Variants in SLX9 observed in about 807,000 individuals in gnomAD.
SLX9 encodes the protein SLX9 ribosome biogenesis factor.
SLX9 carries 19 observed loss-of-function variants against 20.8 expected under a neutral mutation model. The ratio of observed to expected loss-of-function variants is 0.91; its 90% confidence interval spans 0.64 to 1.34. The LOEUF is 1.34. Ranked by LOEUF, SLX9 falls within the 40% of genes most tolerant of loss-of-function variation. The pLI is 0.00. For synonymous variants in SLX9, 113 were observed against 137.1 expected (o/e 0.82, Z 1.23); for missense variants, 299 against 322.2 (o/e 0.93, Z 0.55).
intron 2 of SLX9, among the ~76,000 whole-genome samples, chr21:44,957,742 G>A (rs1392035079): frequency 1.3e-5 from 2 of 152,222 alleles, no homozygotes; most frequent in Non-Finnish European, 2.9e-5. Flanking sequence ...GTCCTGTCTC[G>A]GTTTTGTGGG....
At chr21:44,962,358 T>C (rs2084961176) in intron 3 of SLX9, among the ~76,000 whole-genome samples, 1 of 152,208 alleles carries the variant, frequency 6.6e-6, no homozygotes, top group South Asian at 2.1e-4. Context: ...TAACAACTGC[T>C]GTGTCACCCT....
intron 4 of SLX9, among the ~76,000 whole-genome samples, chr21:44,971,263 A>AT (rs1458427438): frequency 2.0e-5 from 3 of 152,090 alleles, no homozygotes; most frequent in Non-Finnish European, 4.4e-5. Flanking sequence ...TTAGGCTCCA[A>AT]TTCCTCCTCG....
At chr21:44,955,381 G>GC (rs2084838120) in intron 2 of SLX9, among the ~76,000 whole-genome samples, 1 of 152,206 alleles carries the variant, frequency 6.6e-6, no homozygotes, top group Non-Finnish European at 1.5e-5. Context: ...GGAAAGCTGT[G>GC]CTTTCTCCAG....
chr21:44,946,830 T>A (rs867836783), intron 2 of SLX9, among the ~76,000 whole-genome samples: 56 of 152,320 alleles, frequency 3.7e-4, no homozygotes, highest in Middle Eastern at 6.8e-3. Context: ...AAGGGGACCA[T>A]GGGACCTCAC....
intron 2 of SLX9, 58 bp downstream of exon 2, chr21:44,943,895 T>G (rs2059605155): frequency 6.2e-7 from 1 of 1,607,950 alleles, no homozygotes; most frequent in East Asian, 2.2e-5. Context: ...GATTGTTCCC[T>G]CAGGCACCCG....
chr21:44,953,419 C>A (rs2084794954), intron 2 of SLX9, among the ~76,000 whole-genome samples: 1 of 152,186 alleles, frequency 6.6e-6, no homozygotes, highest in Non-Finnish European at 1.5e-5. Flanking sequence ...AGGTGAGCAG[C>A]ACAGCCACTC....
chr21:44,959,729 G>A (rs971569522), intron 2 of SLX9, among the ~76,000 whole-genome samples: 4 of 152,244 alleles, frequency 2.6e-5, no homozygotes, highest in East Asian at 1.9e-4. Context: ...TGTCCTGTTC[G>A]TGGCCCCCTT....
intron 2 of SLX9, among the ~76,000 whole-genome samples, chr21:44,949,377 G>A (rs116681303): frequency 0.018 from 2,789 of 152,150 alleles, 76 homozygotes; most frequent in African/African-American, 0.064. Context: ...GGATCCTAGG[G>A]ATGCAGCCCA....
intron 2 of SLX9, among the ~76,000 whole-genome samples, chr21:44,947,354 C>G (rs1361429380): frequency 6.6e-6 from 1 of 152,238 alleles, no homozygotes; most frequent in Non-Finnish European, 1.5e-5. Flanking sequence ...CGTGCCCTGC[C>G]TGAGTCAGGA....
chr21:44,960,683 C>T (rs1339836291), intron 3 of SLX9, among the ~76,000 whole-genome samples: 2 of 152,226 alleles, frequency 1.3e-5, no homozygotes, highest in African/African-American at 4.8e-5. Flanking sequence ...CCCCTGGTGT[C>T]CCCAGACCCT....
chr21:44,973,250 A>C lies in SLX9; in HGVS notation c.554A>C (p.Gln185Pro). Residue 185 changes from glutamine to proline, a missense_variant, in exon 5 of 6, where the codon CAG becomes CCG. Physicochemically the swap from Gln to Pro is moderately conservative, Grantham distance 76. Transcript: ENST00000291634. ...GAGCTCAGCCGGATGAGCGCAGCCCAGAGACAGCAGCTTCTGTGAGTGCAC... is the reference window on the plus strand; with the variant it reads ...GAGCTCAGCCGGATGAGCGCAGCCCCGAGACAGCAGCTTCTGTGAGTGCAC... The part of the protein sequence containing the change: ...PSELSRMSAA[Q>P]RQQLLEEERT... The C allele has an allele frequency of 1.2e-6, 2 of 1,612,498 alleles. No individual in the cohort carries two copies. The highest frequency in any genetic ancestry group is 1.7e-6 in the Non-Finnish European group (2 of 1,179,714).
intron 2 of SLX9, among the ~76,000 whole-genome samples, chr21:44,949,569 G>T (rs1291676283): frequency 6.6e-6 from 1 of 152,158 alleles, no homozygotes; most frequent in Non-Finnish European, 1.5e-5. Context: ...AGCCACAGAG[G>T]CCTACTCTTA....
chr21:44,955,145 G>T (rs533804567), intron 2 of SLX9, among the ~76,000 whole-genome samples: 4 of 151,872 alleles, frequency 2.6e-5, no homozygotes, highest in Non-Finnish European at 5.9e-5. Flanking sequence ...GAACCCAGAA[G>T]GCAGAGATTG....
upstream of SLX9, chr21:44,940,010 C>T (rs1172844950): frequency 3.6e-6 from 5 of 1,383,832 alleles, no homozygotes; most frequent in African/African-American, 1.5e-5. Flanking sequence ...GAACGCAGGA[C>T]CAGCTTCCGG....
chr21:44,973,554 TCAGC>T (rs1267333108), intron 5 of SLX9, among the ~76,000 whole-genome samples: 1 of 20,846 alleles, frequency 4.8e-5, no homozygotes, highest in Admixed American at 3.8e-4. Context: ...CTCCAGGGGT[TCAGC>T]TCCTATGTGC....
chr21:44,972,891 G>A (rs1405188874), intron 4 of SLX9, among the ~76,000 whole-genome samples: 1 of 152,168 alleles, frequency 6.6e-6, no homozygotes, highest in Non-Finnish European at 1.5e-5. Flanking sequence ...ATGTCCCATG[G>A]AGCCAGGAGG....
chr21:44,951,712 A>G (rs1462350846), intron 2 of SLX9, among the ~76,000 whole-genome samples: 1 of 152,096 alleles, frequency 6.6e-6, no homozygotes, highest in Admixed American at 6.5e-5. Context: ...TCACTGCCCG[A>G]GGGCACTGTG....
chr21:44,951,309 A>C (rs1169010416), intron 2 of SLX9, among the ~76,000 whole-genome samples: 1 of 152,042 alleles, frequency 6.6e-6, no homozygotes, highest in African/African-American at 2.4e-5. Context: ...TCGCGCAGGG[A>C]GGTAGGAGAG....
At chr21:44,948,241 G>A (rs1253994364) in intron 2 of SLX9, among the ~76,000 whole-genome samples, 2 of 147,314 alleles carry the variant, frequency 1.4e-5, no homozygotes, top group Non-Finnish European at 3.0e-5. Context: ...AGCATCGGGC[G>A]GTCCGGGGAG....
Sources: gnomAD v4.1 joint callset for allele counts (sites outside exome capture counted in the v4.1 genomes callset) on GRCh38, gnomAD v4.1.1 for gene constraint, MANE v1.5 for transcripts, NCBI Gene and HGNC (gene_info 2026-07-23, HGNC 2026-07-21) for gene names.